Variants in PDE7B observed in about 807,000 individuals in gnomAD.
PDE7B encodes the protein 3',5'-cyclic-AMP phosphodiesterase 7B.
A neutral mutation model predicts 56.2 loss-of-function variants in PDE7B; 29 were observed. The ratio of observed to expected loss-of-function variants is 0.52; its 90% CI spans 0.38 to 0.70. The LOEUF is 0.70. Ranked by LOEUF, PDE7B falls within the 30% of genes least tolerant of loss-of-function variation. The pLI is 0.00. For synonymous variants in PDE7B, 197 were observed against 196.9 expected (o/e 1.00, Z 0.00); for missense variants, 490 against 565.0 (o/e 0.87, Z 1.35).
chr6:135,935,186 T>TTTTATATATATATATATATATATATA lies in PDE7B; in HGVS notation c.22-12277_22-12276insTTATATATATATATATATATATATAT, dbSNP rs1404954510. 2.1e-4 allele frequency among the ~76,000 whole-genome samples: 8 copies of TTTTATATATATATATATATATATATA among 38,440 alleles called. 1 individual carries two copies. The highest frequency in any genetic ancestry group is 1.1e-3 in the East Asian group (1 of 944). The allele number at this position is 38,440 out of a possible 152,430, so 25.2% of individuals were successfully genotyped here. A position where few individuals can be genotyped will look rare whatever the true frequency, so the allele number is the denominator to read the frequency against. ...GACAGAGAATTTTATATATATATAT[T>TTTTATATATATATATATATATATATA]TATTTATATATATATATATATATAT... On this transcript the variant is annotated intron_variant, in intron 1 of 12. Coordinates refer to ENST00000308191, the MANE Select transcript of PDE7B (RefSeq NM_018945.4).
At chr6:136,106,356 T>C (rs558944765) in intron 2 of PDE7B, among the ~76,000 whole-genome samples, 61 of 152,248 alleles carry the variant, frequency 4.0e-4, no homozygotes, top group Non-Finnish European at 5.4e-4. Context: ...TCATTTCTTT[T>C]TTCATTTTAA....
At chr6:136,100,265 T>C (rs976517415) in intron 2 of PDE7B, among the ~76,000 whole-genome samples, 2 of 152,206 alleles carry the variant, frequency 1.3e-5, no homozygotes, top group African/African-American at 4.8e-5. Context: ...AGGCTCCTTG[T>C]TGGTTCCATA....
chr6:135,918,776 G>T (rs926240207), intron 1 of PDE7B, among the ~76,000 whole-genome samples: 4 of 152,098 alleles, frequency 2.6e-5, no homozygotes, highest in Non-Finnish European at 2.9e-5. Context: ...GCATTTTAAG[G>T]CATTCCATTT....
chr6:136,190,970 T>TCTCCATCC (rs1779212339), intron 12 of PDE7B, among the ~76,000 whole-genome samples: 1 of 148,638 alleles, frequency 6.7e-6, no homozygotes, highest in African/African-American at 2.5e-5. Context: ...TCATTTGCCC[T>TCTCCATCC]CTCCATCCCT....
chr6:136,094,409 C>G (rs1411598962), intron 2 of PDE7B, among the ~76,000 whole-genome samples: 1 of 152,172 alleles, frequency 6.6e-6, no homozygotes, highest in Non-Finnish European at 1.5e-5. Context: ...CAGAAAGTAC[C>G]AGGCATGTTC....
At position 135,872,209 on chromosome 6, in the gene PDE7B, T is replaced by C. The variant is rs76619353; in HGVS notation, c.21+20190T>C. Among the ~76,000 whole-genome samples the C allele has an allele frequency of 9.5e-3, 1,443 of 152,348 alleles. 18 individuals are homozygous for C. The highest frequency in any genetic ancestry group is 0.013 in the Non-Finnish European group (871 of 68,034). On this transcript the variant is annotated intron_variant, in intron 1 of 12. Coordinates refer to ENST00000308191, the MANE Select transcript of PDE7B (RefSeq NM_018945.4). ...TATGTAAATATGGCCAGTAGCATCC[T>C]GGTAATTTGCCTCCAGAAAGTAATC... is the stretch of plus-strand genomic sequence containing the variant.
chr6:136,087,201 G>A (rs540224168), intron 2 of PDE7B, among the ~76,000 whole-genome samples: 1 of 152,102 alleles, frequency 6.6e-6, no homozygotes, highest in Non-Finnish European at 1.5e-5. Flanking sequence ...ATCTTACGTC[G>A]ATTAATGGAG....
At chr6:136,017,702 T>C (rs1328174833) in intron 2 of PDE7B, among the ~76,000 whole-genome samples, 11 of 152,104 alleles carry the variant, frequency 7.2e-5, no homozygotes, top group Non-Finnish European at 1.5e-4. Context: ...ATATATAACT[T>C]TTTGAATTGG....
Position 136,066,969 on chromosome 6 carries a change from T to A in PDE7B, c.83-41762T>A, listed in dbSNP as rs146174372. On this transcript the variant is annotated intron_variant, in intron 2 of 12. Coordinates refer to ENST00000308191, the MANE Select transcript of PDE7B (RefSeq NM_018945.4). ...CTCCTGGCCGCAAGTGATCCTCCCA[T>A]CTCAGCCTCCCAAGTAGATGGAACC... Among the ~76,000 whole-genome samples the A allele has an allele frequency of 2.0e-4, 30 of 151,582 alleles. No individual in the cohort carries two copies. In the East Asian group the frequency reaches 4.1e-3, roughly 21 times the overall value.
chr6:136,173,777 C>CT lies in PDE7B; in HGVS notation c.712-18dup. 6.6e-7 allele frequency: 1 copy of CT among 1,515,454 alleles called. No individual in the cohort carries two copies. Among genetic ancestry groups the CT allele is most frequent in the Non-Finnish European group, 9.2e-7 (1 of 1,092,146 alleles). 93.9% of individuals were successfully genotyped at this position (1,515,454 alleles called of 1,614,324 possible). ...TCTGGCTTCCCTCTCATTTATAACT[C>CT]TTATTTTCTTTCTTTCTAGAATATG... On this transcript the variant is annotated intron_variant, in intron 8 of 12. Coordinates refer to ENST00000308191, the MANE Select transcript of PDE7B (RefSeq NM_018945.4).
rs1186484453 is a variant in PDE7B at position 135,992,342 on chromosome 6, A to G, written c.82+44818A>G. Reference sequence around the variant, plus strand: ...CACGGATGGGACTAGCTTGTTCTAGATATTTTCACCATAGCAGTCTCTTAG... The same window carrying G: ...CACGGATGGGACTAGCTTGTTCTAGGTATTTTCACCATAGCAGTCTCTTAG... On this transcript the variant is annotated intron_variant, in intron 2 of 12. Transcript: ENST00000308191. 2.0e-5 allele frequency among the ~76,000 whole-genome samples: 3 copies of G among 152,190 alleles called. No homozygotes were observed. The East Asian group carries it at 5.8e-4, about 29-fold the overall frequency.
chr6:136,124,294 T>C (rs1037329702), intron 3 of PDE7B, among the ~76,000 whole-genome samples: 7 of 152,070 alleles, frequency 4.6e-5, no homozygotes, highest in African/African-American at 1.7e-4. Flanking sequence ...AATTGTGGAG[T>C]GCAATTTTAT....
chr6:136,141,751 C>T (rs906114417), intron 3 of PDE7B, among the ~76,000 whole-genome samples: 5 of 152,100 alleles, frequency 3.3e-5, no homozygotes, highest in Admixed American at 1.3e-4. Flanking sequence ...AGTTTATTTG[C>T]GTACAGGTGT....
chr6:136,005,426 A>C (rs1342694058), intron 2 of PDE7B, among the ~76,000 whole-genome samples: 2 of 152,080 alleles, frequency 1.3e-5, no homozygotes, highest in Non-Finnish European at 2.9e-5. Flanking sequence ...CAACCTACAA[A>C]ATGGGAGAAA....
intron 2 of PDE7B, among the ~76,000 whole-genome samples, chr6:135,967,541 G>T (rs1270453242): frequency 2.0e-5 from 3 of 152,146 alleles, no homozygotes; most frequent in African/African-American, 7.2e-5. Flanking sequence ...GAAGGAGACA[G>T]TCCTGAAATC....
In PDE7B at chr6:136,192,187, CT is replaced by C. The variant is rs1031264025; in HGVS notation, c.*348del. On this transcript the variant is annotated 3_prime_UTR_variant, in exon 13 of 13. Coordinates refer to ENST00000308191, the MANE Select transcript of PDE7B (RefSeq NM_018945.4). Reference sequence around the variant, plus strand: ...GTCGCACTGGAACAGGCAGCAATTCCTAAGTCCGGAGCGTTTGAGCGTTTGC... The same window carrying C: ...GTCGCACTGGAACAGGCAGCAATTCCAAGTCCGGAGCGTTTGAGCGTTTGC... 1 of 325,234 alleles carries C rather than the reference CT, an allele frequency of 3.1e-6. No individual in the cohort carries two copies. The highest frequency in any genetic ancestry group is 2.1e-5 in the African/African-American group (1 of 47,170). 20.1% of individuals were successfully genotyped at this position (325,234 alleles called of 1,614,324 possible). A position where few individuals can be genotyped will look rare whatever the true frequency, so the allele number is the denominator to read the frequency against.
chr6:135,943,521 A>G (rs554193829), intron 1 of PDE7B, among the ~76,000 whole-genome samples: 1 of 152,342 alleles, frequency 6.6e-6, no homozygotes, highest in African/African-American at 2.4e-5. Flanking sequence ...ATCTCAGTCA[A>G]ACATCCAGTA....
chr6:135,981,135 G>A (rs1316294589), intron 2 of PDE7B, among the ~76,000 whole-genome samples: 6 of 151,734 alleles, frequency 4.0e-5, no homozygotes, highest in African/African-American at 1.5e-4. Context: ...TCCTTTGTGG[G>A]GACATGGATG....
At chr6:136,164,392 C>T (rs1027063859) in intron 8 of PDE7B, among the ~76,000 whole-genome samples, 3 of 152,054 alleles carry the variant, frequency 2.0e-5, no homozygotes, top group African/African-American at 7.2e-5. Context: ...ATTATAGGAA[C>T]TACAATTCAA....
Sources: gnomAD v4.1 joint callset for allele counts (sites outside exome capture counted in the v4.1 genomes callset) on GRCh38, gnomAD v4.1.1 for gene constraint, MANE v1.5 for transcripts, NCBI Gene and HGNC (gene_info 2026-07-23, HGNC 2026-07-21) for gene names.